The following TSHR variants were observed in gnomAD, a reference collection of about 807,000 sequenced individuals.
The protein encoded by TSHR is thyroid stimulating hormone receptor, also known as thyrotropin receptor.
In TSHR, 51 loss-of-function variants were observed where a neutral mutation model predicts 64.1. The ratio of observed to expected loss-of-function variants is 0.80; its 90% CI spans 0.64 to 1.01. The LOEUF is 1.01. Among genes scored for constraint, TSHR ranks in the 50% least tolerant of loss-of-function variants. The pLI is 0.00. For synonymous variants in TSHR, 361 were observed against 361.9 expected, an observed-to-expected ratio of 1.00 and a Z score of 0.03; for missense variants, 877 against 942.8, an observed-to-expected ratio of 0.93 and a Z score of 0.91.
intron 1 of TSHR, among the ~76,000 whole-genome samples, chr14:81,031,224 G>C (rs1884330399): frequency 1.3e-5 from 2 of 152,054 alleles, no homozygotes; most frequent in South Asian, 4.1e-4. Flanking sequence ...AAAAGTATGG[G>C]TTTCTTCCAT....
At chr14:80,967,166 TTA>T (rs200607419) in intron 1 of TSHR, among the ~76,000 whole-genome samples, 1 of 107,632 alleles carries the variant, frequency 9.3e-6, no homozygotes, top group Non-Finnish European at 2.0e-5. Context: ...GAAAAAAAAA[TTA>T]TATATATATA....
At chr14:80,989,038 C>G (rs1170822642) in intron 1 of TSHR, among the ~76,000 whole-genome samples, 1 of 152,208 alleles carries the variant, frequency 6.6e-6, no homozygotes, top group South Asian at 2.1e-4. Context: ...TCTGGGAGCA[C>G]CTCAAATTCA....
intron 1 of TSHR, chr14:81,051,202 C>G (rs1470056668): frequency 6.6e-6 from 1 of 152,254 alleles, no homozygotes; most frequent in Non-Finnish European, 1.5e-5. Flanking sequence ...TCATAAGAAG[C>G]AACTCCTTAT....
At chr14:80,965,148 G>A (rs576931413) in intron 1 of TSHR, among the ~76,000 whole-genome samples, 1 of 152,304 alleles carries the variant, frequency 6.6e-6, no homozygotes, top group South Asian at 2.1e-4. Flanking sequence ...CTGCTTAATT[G>A]ATCATGGGTT....
chr14:80,989,225 A>G (rs544146225), intron 1 of TSHR, among the ~76,000 whole-genome samples: 53 of 152,074 alleles, frequency 3.5e-4, no homozygotes, highest in Non-Finnish European at 6.5e-4. Flanking sequence ...AGCATTTTTT[A>G]CACTAGCTTC....
chr14:81,058,154 G>C (rs938463124), intron 1 of TSHR, among the ~76,000 whole-genome samples: 2 of 152,166 alleles, frequency 1.3e-5, no homozygotes, highest in African/African-American at 2.4e-5. Context: ...GAACCAAAAA[G>C]AGAGTACTTA....
rs569908579 is a variant in TSHR at position 80,990,467 on chromosome 14, C to T, written c.170+34617C>T. 6.6e-5 allele frequency among the ~76,000 whole-genome samples: 10 copies of T among 152,280 alleles called. No individual in the cohort carries two copies. The South Asian group carries it at 8.3e-4, about 13-fold the overall frequency. On this transcript the variant is annotated intron_variant, in intron 1 of 9. Coordinates refer to ENST00000298171, the MANE Select transcript of TSHR (RefSeq NM_000369.5). The stretch of plus-strand genomic sequence containing the variant: ...TTGGAAAGCCAGATTCCATGCCCTG[C>T]GGGAAGGTTCCTCGGTTGAGTCCAG...
In TSHR at chr14:81,041,263, T is replaced by TCAA. The variant is rs564087501; in HGVS notation, c.171-20883_171-20881dup. Among the ~76,000 whole-genome samples, 116 of 152,266 alleles carry TCAA rather than the reference T, an allele frequency of 7.6e-4. 1 individual carries two copies. The highest frequency in any genetic ancestry group is 2.7e-3 in the African/African-American group (113 of 41,554). ...TATTCACAATACCAAAGACATGGAA[T>TCAA]CAACCTAAATGTTCATCAATGATAG... On this transcript the variant is annotated intron_variant, in intron 1 of 9. Transcript: ENST00000298171.
intron 1 of TSHR, chr14:80,983,117 C>A: frequency 2.8e-6 from 2 of 726,848 alleles, no homozygotes. Context: ...GTTTTCCTTC[C>A]CCAGAAATGA....
At chr14:81,073,414 C>T (rs975354444) in intron 3 of TSHR, among the ~76,000 whole-genome samples, 2 of 152,088 alleles carry the variant, frequency 1.3e-5, no homozygotes, top group Non-Finnish European at 2.9e-5. Context: ...CCAACAACTG[C>T]AGAGTATATA....
At chr14:81,012,808 T>C (rs1889991508) in intron 1 of TSHR, 1 of 151,736 alleles carries the variant, frequency 6.6e-6, no homozygotes, top group Non-Finnish European at 1.5e-5. Context: ...TTCTTGTAAA[T>C]TTGTTTGAGT....
chr14:81,019,438 T>C (rs1039497547), intron 1 of TSHR, among the ~76,000 whole-genome samples: 24 of 150,324 alleles, frequency 1.6e-4, no homozygotes, highest in Admixed American at 1.5e-3. Context: ...GATATGTTAG[T>C]GCAAGCAAAT....
chr14:81,099,976 A>G (rs1189973748), intron 7 of TSHR, among the ~76,000 whole-genome samples: 1 of 152,162 alleles, frequency 6.6e-6, no homozygotes, highest in Non-Finnish European at 1.5e-5. Context: ...ACAGAGTATC[A>G]AAGGAGTTTA....
intron 8 of TSHR, among the ~76,000 whole-genome samples, chr14:81,128,740 C>A (rs1452287639): frequency 6.6e-6 from 1 of 152,150 alleles, no homozygotes. Flanking sequence ...AGAGCCCTCT[C>A]CCCAGATATC....
chr14:81,041,608 C>T (rs1884927250), intron 1 of TSHR, among the ~76,000 whole-genome samples: 1 of 152,120 alleles, frequency 6.6e-6, no homozygotes, highest in Non-Finnish European at 1.5e-5. Flanking sequence ...ATCTGTACAA[C>T]AAACCCCCAG....
At chr14:81,045,329 T>C (rs146245260) in intron 1 of TSHR, among the ~76,000 whole-genome samples, 41 of 152,332 alleles carry the variant, frequency 2.7e-4, no homozygotes, top group African/African-American at 9.1e-4. Flanking sequence ...TATTAGTTCT[T>C]TATACATTTG....
rs373413559 is a variant in TSHR, at chr14:81,087,990, C to T, written c.354C>T (p.Asp118=). Reference sequence around the variant, plus strand: ...ATACCAGGAACTTAACTTACATAGACCCTGATGCCCTCAAAGAGCTCCCCC... The same window carrying T: ...ATACCAGGAACTTAACTTACATAGATCCTGATGCCCTCAAAGAGCTCCCCC... ...IRNTRNLTYI[D]PDALKELPLL... The change falls in exon 4 of 10, where the codon GAC becomes GAT. Residue 118 remains aspartate (D), a synonymous_variant. Transcript: ENST00000298171. 5 of 1,613,848 alleles carry T rather than the reference C, an allele frequency of 3.1e-6. No individual in the cohort carries two copies. Among genetic ancestry groups the T allele is most frequent in the Non-Finnish European group, 4.2e-6 (5 of 1,179,802 alleles).
chr14:81,143,536 G>A lies in TSHR; in HGVS notation c.1478G>A (p.Gly493Glu). The A allele has an allele frequency of 6.2e-7, 1 of 1,613,300 alleles. No individual in the cohort carries two copies. The highest frequency in any genetic ancestry group is 8.5e-7 in the Non-Finnish European group (1 of 1,180,032). Residue 493 changes from glycine (G) to glutamate (E), a missense_variant, in exon 10 of 10, where the codon GGG becomes GAG. Physicochemically the swap from Gly to Glu is moderately conservative, Grantham distance 98. Coordinates refer to ENST00000298171, the MANE Select transcript of TSHR (RefSeq NM_000369.5). ...GCCATCGACTGGCAGACAGGCCCTG[G>A]GTGCAACACGGCTGGTTTCTTCACT... ...NHAIDWQTGP[G>E]CNTAGFFTVF...
At chr14:81,114,702 T>A (rs1413911633) in intron 8 of TSHR, among the ~76,000 whole-genome samples, 1 of 152,160 alleles carries the variant, frequency 6.6e-6, no homozygotes, top group East Asian at 1.9e-4. Flanking sequence ...CCTGCCTGCC[T>A]CTGTAGGCTC....
Sources: allele counts gnomAD v4.1 joint callset (sites outside exome capture counted in the v4.1 genomes callset), GRCh38; gene constraint gnomAD v4.1.1; transcripts MANE v1.5; gene names NCBI Gene and HGNC (gene_info 2026-07-23, HGNC 2026-07-21).